KCND2: variants seen among roughly 807,000 people sequenced by gnomAD.
KCND2 encodes the protein A-type voltage-gated potassium channel KCND2.
In KCND2, 16 loss-of-function variants were observed where a neutral mutation model predicts 54.4. The ratio of observed to expected loss-of-function variants is 0.29; its 90% confidence interval spans 0.20 to 0.45. KCND2 has a LOEUF of 0.45. Among genes scored for constraint, KCND2 ranks in the 20% least tolerant of loss-of-function variants. The pLI is 1.00. For missense variants in KCND2, 486 were observed against 824.2 expected (o/e 0.59, Z 5.02); for synonymous variants, 317 against 310.7 (o/e 1.02, Z -0.21).
chr7:120,746,053 T>C, intron 5 of KCND2, 26 bp downstream of exon 5: 1 of 1,609,530 alleles, frequency 6.2e-7, no homozygotes. Flanking sequence ...CTGTGTTGTC[T>C]ACACACCTGT....
chr7:120,702,716 G>A (rs1792418790), intron 1 of KCND2, among the ~76,000 whole-genome samples: 1 of 152,054 alleles, frequency 6.6e-6, no homozygotes, highest in Non-Finnish European at 1.5e-5. Flanking sequence ...TCACTTATAA[G>A]CAGGAGCTAA....
At chr7:120,504,897 G>A (rs1177167740) in intron 1 of KCND2, among the ~76,000 whole-genome samples, 1 of 151,490 alleles carries the variant, frequency 6.6e-6, no homozygotes, top group Non-Finnish European at 1.5e-5. Flanking sequence ...TTTAGCACGT[G>A]AGTAGGTGGG....
intron 1 of KCND2, among the ~76,000 whole-genome samples, chr7:120,638,955 G>T (rs769879486): frequency 3.3e-5 from 5 of 152,092 alleles, no homozygotes; most frequent in Non-Finnish European, 4.4e-5. Flanking sequence ...CCAAAATTAT[G>T]CAGGTTATCA....
chr7:120,574,741 G>A (rs1792406493), intron 1 of KCND2, among the ~76,000 whole-genome samples: 2 of 151,936 alleles, frequency 1.3e-5, no homozygotes. Flanking sequence ...CACCATTCTA[G>A]GTTTTTTTTC....
intron 1 of KCND2, among the ~76,000 whole-genome samples, chr7:120,572,677 C>T (rs1792381171): frequency 6.6e-6 from 1 of 152,088 alleles, no homozygotes; most frequent in Non-Finnish European, 1.5e-5. Flanking sequence ...GCCGCCACAC[C>T]CAGCTAATTT....
At chr7:120,568,263 C>T (rs1441873342) in intron 1 of KCND2, among the ~76,000 whole-genome samples, 1 of 152,014 alleles carries the variant, frequency 6.6e-6, no homozygotes, top group African/African-American at 2.4e-5. Context: ...CCTAAAGCTC[C>T]ATAAGTATTT....
chr7:120,303,266 T>C (rs1386506820), intron 1 of KCND2, among the ~76,000 whole-genome samples: 8 of 152,192 alleles, frequency 5.3e-5, no homozygotes, highest in African/African-American at 1.9e-4. Context: ...GTTTTGTTTC[T>C]AGAGATACAC....
At chr7:120,553,568 T>C (rs1349210380) in intron 1 of KCND2, among the ~76,000 whole-genome samples, 1 of 152,220 alleles carries the variant, frequency 6.6e-6, no homozygotes, top group Non-Finnish European at 1.5e-5. Context: ...TTGCAATACC[T>C]TCTGTATACT....
At chr7:120,363,733 TA>T (rs1272638498) in intron 1 of KCND2, among the ~76,000 whole-genome samples, 1 of 152,096 alleles carries the variant, frequency 6.6e-6, no homozygotes, top group Non-Finnish European at 1.5e-5. Flanking sequence ...TTACAGAGAA[TA>T]AAAGTCAAAC....
At chr7:120,293,637 T>C (rs771572471) in intron 1 of KCND2, among the ~76,000 whole-genome samples, 21 of 152,082 alleles carry the variant, frequency 1.4e-4, no homozygotes, top group Middle Eastern at 3.4e-3. Flanking sequence ...CAATCATCAT[T>C]ATTATCATCG....
chr7:120,539,539 C>G (rs1433450993), intron 1 of KCND2, among the ~76,000 whole-genome samples: 3 of 152,150 alleles, frequency 2.0e-5, no homozygotes, highest in Non-Finnish European at 4.4e-5. Flanking sequence ...GCTGGCGTCC[C>G]TCCTGGAATT....
At chr7:120,536,698 T>G (rs1482657948) in intron 1 of KCND2, among the ~76,000 whole-genome samples, 3 of 152,168 alleles carry the variant, frequency 2.0e-5, no homozygotes, top group Admixed American at 6.5e-5. Context: ...GATGCCATCC[T>G]TCGATCACAG....
At chr7:120,677,273 G>C (rs1792073091) in intron 1 of KCND2, among the ~76,000 whole-genome samples, 1 of 152,134 alleles carries the variant, frequency 6.6e-6, no homozygotes, top group African/African-American at 2.4e-5. Flanking sequence ...GTATTTGCAT[G>C]ACTTACATCG....
chr7:120,652,879 A>G (rs750177805), intron 1 of KCND2, among the ~76,000 whole-genome samples: 2 of 152,232 alleles, frequency 1.3e-5, no homozygotes, highest in Admixed American at 6.5e-5. Context: ...TAAATATCCC[A>G]GAAACTTTGT....
At position 120,673,909 on chromosome 7, in the gene KCND2, A is replaced by AT. The variant is rs985140655; in HGVS notation, c.1116-58981dup. ...CCCTCATTACCTGCCTCTTTTATTT[A>AT]TTTTTTTTTTTTTCTACAGGAGCCT... On this transcript the variant is annotated intron_variant, in intron 1 of 5. Coordinates refer to ENST00000331113, the MANE Select transcript of KCND2 (RefSeq NM_012281.3). 3.2e-3 allele frequency among the ~76,000 whole-genome samples: 369 copies of AT among 115,422 alleles called. 2 individuals are homozygous for AT. The highest frequency in any genetic ancestry group is 5.8e-3 in the African/African-American group (180 of 31,222). 75.7% of individuals were successfully genotyped at this position (115,422 alleles called of 152,430 possible). A position where few individuals can be genotyped will look rare whatever the true frequency, so the allele number is the denominator to read the frequency against.
intron 1 of KCND2, among the ~76,000 whole-genome samples, chr7:120,655,818 T>C (rs1199227312): frequency 6.6e-6 from 1 of 152,122 alleles, no homozygotes; most frequent in Non-Finnish European, 1.5e-5. Flanking sequence ...ATAATTTATC[T>C]ACATTCTAAT....
At chr7:120,612,119 G>GCTTACTACTAAT (rs139842848) in intron 1 of KCND2, among the ~76,000 whole-genome samples, 8,736 of 152,190 alleles carry the variant, frequency 0.057, 265 homozygotes, top group African/African-American at 0.075. Flanking sequence ...TTTGTGAATT[G>GCTTACTACTAAT]CTTACTACTA....
chr7:120,400,540 G>T (rs1801235613), intron 1 of KCND2, among the ~76,000 whole-genome samples: 1 of 151,946 alleles, frequency 6.6e-6, no homozygotes, highest in African/African-American at 2.4e-5. Context: ...TAAATGACTG[G>T]CTCCTAGAAA....
chr7:120,662,329 G>GA (rs1262033077), intron 1 of KCND2, among the ~76,000 whole-genome samples: 1 of 152,096 alleles, frequency 6.6e-6, no homozygotes, highest in Non-Finnish European at 1.5e-5. Flanking sequence ...CAAGCATTTA[G>GA]AATAGTATTG....
Sources: gnomAD v4.1 joint callset for allele counts (sites outside exome capture counted in the v4.1 genomes callset) on GRCh38, gnomAD v4.1.1 for gene constraint, MANE v1.5 for transcripts, NCBI Gene and HGNC (gene_info 2026-07-23, HGNC 2026-07-21) for gene names.